HHLA1: variants seen among roughly 807,000 people sequenced by gnomAD.
HHLA1 encodes HERV-H LTR-associating protein 1.
HHLA1 carries 72 observed loss-of-function variants against 69.9 expected under a neutral mutation model. That is an observed-to-expected ratio of 1.03 (90% CI 0.85 to 1.25). The LOEUF (loss-of-function observed/expected upper bound fraction) is 1.25. HHLA1 is among the 50% of genes most tolerant of loss of function. HHLA1 has a pLI of 0.00. For synonymous variants in HHLA1, 252 were observed against 233.2 expected, an observed-to-expected ratio of 1.08 and a Z score of -0.73; for missense variants, 685 against 642.2, an observed-to-expected ratio of 1.07 and a Z score of -0.72.
rs1823354112 is a variant in HHLA1 at position 132,061,636 on chromosome 8, C to T, written c.*2359G>A. On this transcript the variant is annotated 3_prime_UTR_variant, in exon 17 of 17. Transcript: ENST00000414222. The stretch of plus-strand genomic sequence containing the variant: ...ACACTAATTAGTAGGAGTTCCAGAT[C>T]AGTAGCACCCCCTGAGGCTTTCTTA... The T allele has an allele frequency of 6.6e-6, 1 of 152,204 alleles. No homozygotes were observed. The highest frequency in any genetic ancestry group is 6.5e-5 in the Admixed American group (1 of 15,276). The allele number at this position is 152,204 out of a possible 1,614,324, so 9.4% of individuals were successfully genotyped here. A position where few individuals can be genotyped will look rare whatever the true frequency, so the allele number is the denominator to read the frequency against.
At chr8:132,095,962 C>T (rs772587101) in intron 5 of HHLA1, among the ~76,000 whole-genome samples, 176 bp from the exon 6 acceptor site, 20 of 151,886 alleles carry the variant, frequency 1.3e-4, no homozygotes, top group Non-Finnish European at 2.5e-4. Flanking sequence ...AAAACTAAAC[C>T]AAAAAGCTGA....
intron 5 of HHLA1, among the ~76,000 whole-genome samples, chr8:132,098,219 A>G (rs1824053167): frequency 6.6e-6 from 1 of 152,242 alleles, no homozygotes; most frequent in Admixed American, 6.5e-5. Flanking sequence ...TTCACTAAGT[A>G]TGTGTTACAT....
At position 132,077,823 on chromosome 8, in the gene HHLA1, T is replaced by C. The variant is rs772739897; in HGVS notation, c.1074A>G (p.Ala358=). ...TAGTGTTCATGGCTTCCTCGGTCCC[T>C]GCAGTAGTCGGTGGGGAAGAACGAG... The part of the protein sequence containing the change: ...WETRSSPPTT[A]GTEEAMNTTS... The change falls in exon 12 of 17, where the codon GCA becomes GCG. Residue 358 remains alanine (A), a synonymous_variant. Coordinates refer to ENST00000414222, the MANE Select transcript of HHLA1 (RefSeq NM_001145095.3). 1.9e-6 allele frequency: 3 copies of C among 1,551,662 alleles called. No homozygotes were observed. In the South Asian group the frequency reaches 3.6e-5, roughly 18 times the overall value.
At chr8:132,070,168 A>G (rs1041853216) in intron 15 of HHLA1, 2 of 570,464 alleles carry the variant, frequency 3.5e-6, no homozygotes, top group African/African-American at 3.8e-5. Flanking sequence ...AGAGATTGGT[A>G]TCCAGGCCAC....
chr8:132,064,148 G>T, intron 16 of HHLA1, 110 bp from the exon 17 acceptor site: 1 of 535,906 alleles, frequency 1.9e-6, no homozygotes. Context: ...CTTCCGGAGA[G>T]CAAGTGTGGG....
chr8:132,085,516 A>G, intron 10 of HHLA1: 1 of 347,460 alleles, frequency 2.9e-6, no homozygotes, highest in South Asian at 2.1e-5. Context: ...TGATTTCCCA[A>G]GGGAGGTCCC....
intron 4 of HHLA1, among the ~76,000 whole-genome samples, chr8:132,099,656 C>G (rs187524596): frequency 1.1e-3 from 163 of 152,192 alleles, no homozygotes; most frequent in African/African-American, 3.8e-3. Context: ...GAGTTTGAGA[C>G]CAGCCTGGCC....
In HHLA1 at chr8:132,076,100, C is replaced by A. The variant is rs1294548705; in HGVS notation, c.1270G>T (p.Ala424Ser). The change falls in exon 14 of 17, where the codon GCT (alanine) becomes TCT (serine). Residue 424 changes from alanine to serine, a missense_variant. Physicochemically the swap from Ala to Ser is moderately conservative, Grantham distance 99. Transcript: ENST00000414222. The stretch of plus-strand genomic sequence containing the variant: ...GGGACCAGGACTGGCTCTTCACCAG[C>A]AGTGAATGGCCACTCTGCAGAGAGA... ...GDLSAEWPFT[A>S]GEEPVLVPRP... 6.4e-7 allele frequency: 1 copy of A among 1,551,226 alleles called. No individual in the cohort carries two copies. The highest frequency in any genetic ancestry group is 2.4e-5 in the East Asian group (1 of 40,938).
intron 10 of HHLA1, among the ~76,000 whole-genome samples, chr8:132,087,204 A>G (rs1823877964): frequency 6.6e-6 from 1 of 152,236 alleles, no homozygotes; most frequent in South Asian, 2.1e-4. Flanking sequence ...TGGAGACAAC[A>G]GCATGCCCAA....
intron 7 of HHLA1, 63 bp from the exon 8 acceptor site, chr8:132,089,662 G>A: frequency 1.2e-6 from 1 of 811,558 alleles, no homozygotes; most frequent in Non-Finnish European, 2.1e-6. Context: ...AAAGTATACT[G>A]TGTTTGGATT....
chr8:132,103,513 G>A (rs771286719), intron 3 of HHLA1, among the ~76,000 whole-genome samples: 8 of 152,118 alleles, frequency 5.3e-5, no homozygotes, highest in Non-Finnish European at 1.2e-4. Flanking sequence ...TAGCTATCGG[G>A]AGGCTGAGGT....
At chr8:132,092,504 G>A (rs1411632124) in intron 7 of HHLA1, among the ~76,000 whole-genome samples, 1 of 152,168 alleles carries the variant, frequency 6.6e-6, no homozygotes, top group Non-Finnish European at 1.5e-5. Flanking sequence ...GAATGGGTTA[G>A]CACCACGTCC....
chr8:132,096,696 G>T (rs563789338), intron 5 of HHLA1, among the ~76,000 whole-genome samples: 14 of 152,224 alleles, frequency 9.2e-5, no homozygotes, highest in Admixed American at 2.0e-4. Context: ...TTTAATAGGT[G>T]CACCTATTAA....
chr8:132,078,206 AC>A, intron 11 of HHLA1, among the ~76,000 whole-genome samples: 1 of 146,978 alleles, frequency 6.8e-6, no homozygotes, highest in African/African-American at 2.6e-5. Context: ...ACACACACAC[AC>A]ACACAACCTC....
At chr8:132,088,440 A>G (rs1823896653) in intron 8 of HHLA1, among the ~76,000 whole-genome samples, 2 of 152,232 alleles carry the variant, frequency 1.3e-5, no homozygotes, top group African/African-American at 2.4e-5. Flanking sequence ...GAGAAGTTAC[A>G]TCAGGTAGGA....
chr8:132,101,163 A>C, intron 3 of HHLA1: 2 of 1,528,520 alleles, frequency 1.3e-6, no homozygotes, highest in Non-Finnish European at 1.8e-6. Flanking sequence ...AATAGAAAAC[A>C]ACAAGCCACA....
At chr8:132,064,181 C>T (rs1271584070) in intron 16 of HHLA1, 143 bp from the exon 17 acceptor site, 1 of 280,794 alleles carries the variant, frequency 3.6e-6, no homozygotes, top group Non-Finnish European at 7.1e-6. Context: ...ACAGGGGTCA[C>T]TAGGGGTGAG....
intron 7 of HHLA1, among the ~76,000 whole-genome samples, chr8:132,095,043 A>T (rs1382046879): frequency 6.6e-6 from 1 of 152,184 alleles, no homozygotes; most frequent in African/African-American, 2.4e-5. Flanking sequence ...TCCACTCCAA[A>T]ACACATACTC....
At chr8:132,089,647 G>A (rs756296102) in intron 7 of HHLA1, 48 bp from the exon 8 acceptor site, 1 of 906,264 alleles carries the variant, frequency 1.1e-6, no homozygotes, top group South Asian at 1.4e-5. Flanking sequence ...AGAGACAAAA[G>A]GAGAAAAGTA....
Sources: gnomAD v4.1 joint callset for allele counts (sites outside exome capture counted in the v4.1 genomes callset) on GRCh38, gnomAD v4.1.1 for gene constraint, MANE v1.5 for transcripts, NCBI Gene and HGNC (gene_info 2026-07-23, HGNC 2026-07-21) for gene names.